The following SUGCT variants were observed in gnomAD, a reference collection of about 807,000 sequenced individuals.
SUGCT encodes the protein succinyl-CoA:glutarate-CoA transferase, also known as succinyl-CoA:glutarate CoA-transferase.
A neutral mutation model predicts 55.0 loss-of-function variants in SUGCT; 41 were observed. That is an observed-to-expected ratio of 0.74 (90% CI 0.58 to 0.97). The LOEUF is 0.97. Ranked by LOEUF, SUGCT falls within the 50% of genes least tolerant of loss-of-function variation. SUGCT has a pLI of 0.00. For missense variants in SUGCT, 568 were observed against 547.8 expected (o/e 1.04, Z -0.37); for synonymous variants, 187 against 200.4 (o/e 0.93, Z 0.56).
At chr7:40,282,372 G>C (rs1012054131) in intron 8 of SUGCT, among the ~76,000 whole-genome samples, 3 of 152,090 alleles carry the variant, frequency 2.0e-5, no homozygotes, top group Admixed American at 2.0e-4. Context: ...GGAGGCTGAG[G>C]CACAAGAATC....
chr7:40,776,591 A>G (rs555480176), intron 13 of SUGCT, among the ~76,000 whole-genome samples: 4 of 152,284 alleles, frequency 2.6e-5, no homozygotes, highest in African/African-American at 7.2e-5. Flanking sequence ...AGTTTCATCA[A>G]TGTTACTTTC....
intron 12 of SUGCT, among the ~76,000 whole-genome samples, chr7:40,692,836 T>G (rs769501808): frequency 2.0e-5 from 3 of 152,160 alleles, no homozygotes; most frequent in Non-Finnish European, 2.9e-5. Context: ...AGACACACAG[T>G]TGTGATGAGA....
the SUGCT span, among the ~76,000 whole-genome samples, chr7:40,988,662 C>T: frequency 2.0e-5 from 3 of 151,886 alleles, no homozygotes; most frequent in Middle Eastern, 3.4e-3. Flanking sequence ...TTTTTATTAT[C>T]GTAGAGAAAA....
At chr7:40,256,023 C>T (rs1336486024) in intron 7 of SUGCT, among the ~76,000 whole-genome samples, 2 of 152,156 alleles carry the variant, frequency 1.3e-5, no homozygotes, top group Non-Finnish European at 2.9e-5. Context: ...CCACCACTCT[C>T]CTTGACAGAG....
the SUGCT span, among the ~76,000 whole-genome samples, chr7:40,911,722 C>T: frequency 2.0e-5 from 3 of 152,038 alleles, no homozygotes. Context: ...TAGTGACAAC[C>T]AAAAATGTCT....
chr7:41,007,823 C>CAAAAAAAAAAAAAAAAAAAAAAAAAA, the SUGCT span, among the ~76,000 whole-genome samples: 1 of 104,290 alleles, frequency 9.6e-6, no homozygotes, highest in Non-Finnish European at 1.8e-5. Flanking sequence ...AACTGAAATC[C>CAAAAAAAAAAAAAAAAAAAAAAAAAA]AAAAAAAAAA....
chr7:40,205,068 A>G (rs147360811), intron 6 of SUGCT, among the ~76,000 whole-genome samples: 2,543 of 152,072 alleles, frequency 0.017, 66 homozygotes, highest in African/African-American at 0.059. Context: ...AGCCTGGCCA[A>G]CATGGCGAAA....
At chr7:40,441,488 G>C (rs115166821) in intron 9 of SUGCT, among the ~76,000 whole-genome samples, 393 of 152,158 alleles carry the variant, frequency 2.6e-3, no homozygotes, top group Middle Eastern at 0.017. Flanking sequence ...AACCCCTCCA[G>C]TTTAAATGAA....
At chr7:40,483,121 C>A (rs575837664) in intron 11 of SUGCT, among the ~76,000 whole-genome samples, 1 of 152,266 alleles carries the variant, frequency 6.6e-6, no homozygotes, top group South Asian at 2.1e-4. Context: ...TGCCGACCAA[C>A]AAATTCCAGC....
At chr7:40,456,858 G>A (rs1011399529) in intron 10 of SUGCT, among the ~76,000 whole-genome samples, 1 of 152,254 alleles carries the variant, frequency 6.6e-6, no homozygotes, top group African/African-American at 2.4e-5. Context: ...AGGGAGGAGA[G>A]CATGGTAACA....
intron 12 of SUGCT, among the ~76,000 whole-genome samples, chr7:40,565,630 G>A (rs530010068): frequency 3.3e-5 from 5 of 152,020 alleles, no homozygotes; most frequent in African/African-American, 4.8e-5. Context: ...CAAATCCTCC[G>A]ATGTCTTTCC....
chr7:40,904,482 G>C, the SUGCT span, among the ~76,000 whole-genome samples: 1 of 152,174 alleles, frequency 6.6e-6, no homozygotes, highest in Non-Finnish European at 1.5e-5. Context: ...TCACATAATA[G>C]AATAGTCAAA....
intron 1 of SUGCT, among the ~76,000 whole-genome samples, chr7:40,176,917 G>A (rs1784951645): frequency 1.4e-5 from 2 of 144,390 alleles, no homozygotes; most frequent in African/African-American, 5.1e-5. Context: ...AGATTGCAGT[G>A]AGCCAAGATC....
intron 12 of SUGCT, among the ~76,000 whole-genome samples, chr7:40,728,943 C>CA: frequency 6.6e-6 from 1 of 152,302 alleles, no homozygotes; most frequent in Non-Finnish European, 1.5e-5. Flanking sequence ...GTCATATAAT[C>CA]ATCTCAATAT....
intron 12 of SUGCT, among the ~76,000 whole-genome samples, chr7:40,747,340 T>C (rs1015689948): frequency 6.6e-6 from 1 of 152,158 alleles, no homozygotes; most frequent in Non-Finnish European, 1.5e-5. Flanking sequence ...ACCCGTGAAG[T>C]TGTCTTATTG....
At chr7:40,404,853 G>A (rs1314931182) in intron 9 of SUGCT, among the ~76,000 whole-genome samples, 1 of 152,164 alleles carries the variant, frequency 6.6e-6, no homozygotes, top group African/African-American at 2.4e-5. Context: ...TGTTCAGTAT[G>A]ATTCCATTCT....
intron 13 of SUGCT, among the ~76,000 whole-genome samples, chr7:40,762,812 CT>C (rs781414612): frequency 0.021 from 3,113 of 144,832 alleles, 49 homozygotes; most frequent in Non-Finnish European, 0.033. Context: ...AAACAACTCT[CT>C]TTTTTTTTTT....
intron 13 of SUGCT, among the ~76,000 whole-genome samples, chr7:40,760,603 T>C (rs1788482531): frequency 6.6e-6 from 1 of 152,214 alleles, no homozygotes; most frequent in Non-Finnish European, 1.5e-5. Flanking sequence ...TTTCATGCTA[T>C]ATACATTTTC....
At chr7:40,223,830 G>T (rs1393818601) in intron 6 of SUGCT, among the ~76,000 whole-genome samples, 1 of 152,176 alleles carries the variant, frequency 6.6e-6, no homozygotes, top group African/African-American at 2.4e-5. Context: ...ATGAAACAAG[G>T]CTAAAAGGTG....
Sources: gnomAD v4.1 joint callset for allele counts (sites outside exome capture counted in the v4.1 genomes callset) on GRCh38, gnomAD v4.1.1 for gene constraint, MANE v1.5 for transcripts, NCBI Gene and HGNC (gene_info 2026-07-23, HGNC 2026-07-21) for gene names.